Variants in VBP1 observed in about 807,000 individuals in gnomAD.
The protein encoded by VBP1 is prefoldin subunit 3.
In VBP1, 4 loss-of-function variants were observed where a neutral mutation model predicts 15.5. The ratio of observed to expected loss-of-function variants is 0.26; its 90% confidence interval spans 0.13 to 0.59. The LOEUF (loss-of-function observed/expected upper bound fraction) is 0.59, where lower values mean the gene tolerates loss of function less well. Ranked by LOEUF, VBP1 falls within the 20% of genes least tolerant of loss-of-function variation. The pLI is 0.90. For synonymous variants in VBP1, 61 were observed against 52.1 expected, an observed-to-expected ratio of 1.17 and a Z score of -0.74; for missense variants, 108 against 139.6, an observed-to-expected ratio of 0.77 and a Z score of 1.14.
chrX:155,208,090 C>T (rs1280023585), intron 1 of VBP1, among the ~76,000 whole-genome samples: 1 of 112,043 alleles, frequency 8.9e-6, no homozygotes, highest in Non-Finnish European at 1.9e-5. Context: ...GAGGAGGAAG[C>T]AGTAGGCTTG....
chrX:155,204,399 C>T (rs1477186567), intron 1 of VBP1, among the ~76,000 whole-genome samples: 3 of 111,494 alleles, frequency 2.7e-5, no homozygotes, highest in East Asian at 2.8e-4. Flanking sequence ...GTGATCCGCC[C>T]GCCTTGGCCT....
rs1448688556 is a variant in VBP1 at position 155,220,291 on chromosome X, G to A, written c.202G>A (p.Ala68Thr). The change falls in exon 2 of 6, where the codon GCT becomes ACT. Residue 68 changes from alanine to threonine, a missense_variant. Transcript: ENST00000286428. The stretch of plus-strand genomic sequence containing the variant: ...GTATAAGTTTATGGAACTCAACCTT[G>A]CTCAAAAGAAAAGAAGGTAAGTGTA... ...QKYKFMELNL[A>T]QKKRRLKGQI... 1.7e-6 allele frequency: 2 copies of A among 1,163,260 alleles called. No individual in the cohort carries two copies. The highest frequency in any genetic ancestry group is 1.1e-6 in the Non-Finnish European group (1 of 875,484).
chrX:155,215,455 T>C (rs2074659086), upstream of VBP1, among the ~76,000 whole-genome samples: 1 of 111,950 alleles, frequency 8.9e-6, no homozygotes, highest in Non-Finnish European at 1.9e-5. Context: ...GTTGTAGGAT[T>C]TTGGAGGAGC....
At chrX:155,230,513 C>T (rs1231270179) in intron 4 of VBP1, among the ~76,000 whole-genome samples, 1 of 111,335 alleles carries the variant, frequency 9.0e-6, no homozygotes, top group African/African-American at 3.3e-5. Context: ...GCTGGAATTC[C>T]TAAAGTCTTT....
upstream of VBP1, among the ~76,000 whole-genome samples, chrX:155,215,210 G>A (rs1173923013): frequency 6.3e-5 from 7 of 111,718 alleles, no homozygotes; most frequent in East Asian, 1.1e-3. Flanking sequence ...CTGTAGAAAC[G>A]TTACCTACTT....
chrX:155,227,049 TTAAA>T (rs1462281239), intron 2 of VBP1, 182 bp from the exon 3 acceptor site: 2 of 150,734 alleles, frequency 1.3e-5, no homozygotes, highest in Admixed American at 8.6e-5. Context: ...GAATATTTCT[TTAAA>T]TATTTTATTT....
chrX:155,211,129 G>A (rs191457242), intron 2 of VBP1, among the ~76,000 whole-genome samples: 2 of 111,751 alleles, frequency 1.8e-5, no homozygotes, highest in Admixed American at 1.9e-4. Flanking sequence ...CAATGTGTAG[G>A]CAAAAGCAGG....
intron 4 of VBP1, among the ~76,000 whole-genome samples, chrX:155,233,342 A>G (rs1249876108): frequency 2.7e-5 from 3 of 111,881 alleles, no homozygotes; most frequent in African/African-American, 3.3e-5. Flanking sequence ...CTCAGCTTCT[A>G]GAGGCCACCT....
At chrX:155,203,342 G>A (rs113419535) in intron 1 of VBP1, among the ~76,000 whole-genome samples, 4 of 110,609 alleles carry the variant, frequency 3.6e-5, no homozygotes, top group Non-Finnish European at 5.7e-5. Context: ...TCACAATAGC[G>A]AAGACTTGGA....
At chrX:155,225,589 G>C (rs2074715877) in intron 2 of VBP1, among the ~76,000 whole-genome samples, 1 of 111,737 alleles carries the variant, frequency 8.9e-6, no homozygotes, top group Non-Finnish European at 1.9e-5. Context: ...TCCTAAGTTA[G>C]CTAGGGCTGC....
intron 5 of VBP1, 145 bp from the exon 6 acceptor site, chrX:155,238,627 A>G (rs2074785127): frequency 2.4e-6 from 1 of 423,118 alleles, no homozygotes; most frequent in Non-Finnish European, 4.1e-6. Flanking sequence ...TTATAGCAGG[A>G]TGTCTTACAA....
intron 1 of VBP1, chrX:155,197,257 G>A (rs1283850175): frequency 9.0e-6 from 1 of 111,566 alleles, no homozygotes; most frequent in Non-Finnish European, 1.9e-5. Context: ...ACTCTCTGAT[G>A]TGCAATGTTT....
chrX:155,216,735 G>T (rs2124063166), intron 1 of VBP1, among the ~76,000 whole-genome samples, 160 bp downstream of exon 1: 1 of 112,159 alleles, frequency 8.9e-6, no homozygotes, highest in South Asian at 3.7e-4. Context: ...GACAGATTGA[G>T]CTCTGCTGGG....
At chrX:155,203,980 C>T (rs956621558) in intron 1 of VBP1, among the ~76,000 whole-genome samples, 2 of 111,443 alleles carry the variant, frequency 1.8e-5, no homozygotes, top group Admixed American at 9.5e-5. Flanking sequence ...GCACAGCTAT[C>T]GGACCTTGTG....
chrX:155,226,319 G>A (rs1455260285), intron 2 of VBP1, among the ~76,000 whole-genome samples: 1 of 111,664 alleles, frequency 9.0e-6, no homozygotes, highest in Non-Finnish European at 1.9e-5. Flanking sequence ...TGTCAGTGAG[G>A]TTGATTGCAT....
upstream of VBP1, chrX:155,216,336 G>A: frequency 9.1e-7 from 1 of 1,095,880 alleles, no homozygotes; most frequent in Non-Finnish European, 1.2e-6. Flanking sequence ...TTCGGCCAAA[G>A]GAGAACGGGG....
At chrX:155,214,146 A>G (rs1282087639), upstream of VBP1, among the ~76,000 whole-genome samples, 1 of 112,737 alleles carries the variant, frequency 8.9e-6, no homozygotes, top group African/African-American at 3.2e-5. Flanking sequence ...CCATTATCCA[A>G]TTCAGCAAAT....
At chrX:155,216,852 G>A (rs1248591956) in intron 1 of VBP1, among the ~76,000 whole-genome samples, 3 of 112,489 alleles carry the variant, frequency 2.7e-5, no homozygotes, top group African/African-American at 9.7e-5. Flanking sequence ...GGGCAGGGCG[G>A]CCTGAGGGAC....
At chrX:155,216,328 C>A (rs782563548), upstream of VBP1, 57 of 1,081,382 alleles carry the variant, frequency 5.3e-5, no homozygotes, top group African/African-American at 9.6e-4. Context: ...GGGCTACTTT[C>A]GGCCAAAGGA....
Sources: allele counts gnomAD v4.1 joint callset (sites outside exome capture counted in the v4.1 genomes callset), GRCh38; gene constraint gnomAD v4.1.1; transcripts MANE v1.5; gene names NCBI Gene and HGNC (gene_info 2026-07-23, HGNC 2026-07-21).